Variants in PLA2G10 observed in about 807,000 individuals in gnomAD.
PLA2G10 encodes group 10 secretory phospholipase A2.
A neutral mutation model predicts 7.9 loss-of-function variants in PLA2G10; 9 were observed. That is an observed-to-expected ratio of 1.14 (90% confidence interval 0.68 to 1.98). PLA2G10 has a LOEUF of 1.98. PLA2G10 is among the 30% of genes most tolerant of loss of function. The pLI is 0.00. For missense variants in PLA2G10, 53 were observed against 65.4 expected (o/e 0.81, Z 0.66); for synonymous variants, 19 against 27.5 (o/e 0.69, Z 0.97).
intron 3 of PLA2G10, among the ~76,000 whole-genome samples, chr16:14,678,457 C>A (rs1028011348): frequency 6.6e-6 from 1 of 152,148 alleles, no homozygotes; most frequent in Non-Finnish European, 1.5e-5. Context: ...CATATGGCAA[C>A]CAGAGTAGTT....
intron 3 of PLA2G10, among the ~76,000 whole-genome samples, chr16:14,679,670 A>T (rs1031684580): frequency 2.0e-3 from 296 of 149,986 alleles, no homozygotes; most frequent in Middle Eastern, 7.0e-3. Flanking sequence ...CAAAAAAAAA[A>T]AAAAATAATA....
chr16:14,678,074 T>G (rs1960776341), intron 3 of PLA2G10, among the ~76,000 whole-genome samples: 1 of 152,166 alleles, frequency 6.6e-6, no homozygotes, highest in Admixed American at 6.6e-5. Flanking sequence ...TTCCATGGGC[T>G]GCTGCACAAC....
chr16:14,672,832 T>G lies in PLA2G10; in HGVS notation c.356-83A>C, dbSNP rs1224297287. 61 of 1,335,612 alleles carry G rather than the reference T, an allele frequency of 4.6e-5. 1 individual carries two copies. In the Admixed American group the frequency reaches 1.2e-3, roughly 26 times the overall value. 82.7% of individuals were successfully genotyped at this position (1,335,612 alleles called of 1,614,324 possible). A position where few individuals can be genotyped will look rare whatever the true frequency, so the allele number is the denominator to read the frequency against. On this transcript the variant is annotated intron_variant, in intron 3 of 3. Transcript: ENST00000438167. Reference sequence around the variant, plus strand: ...CCAGTAAAGCAAGAGGCAGGACGGGTCATAAATTACATTTCTGAGACACTT... The same window carrying G: ...CCAGTAAAGCAAGAGGCAGGACGGGGCATAAATTACATTTCTGAGACACTT...
chr16:14,686,264 C>A (rs2151854939), intron 3 of PLA2G10, among the ~76,000 whole-genome samples: 1 of 151,700 alleles, frequency 6.6e-6, no homozygotes, highest in South Asian at 2.1e-4. Flanking sequence ...AGGAGTGAGC[C>A]ACAGCGCCGA....
intron 3 of PLA2G10, among the ~76,000 whole-genome samples, chr16:14,673,004 CT>C (rs1454892264): frequency 6.8e-6 from 1 of 147,434 alleles, no homozygotes; most frequent in Non-Finnish European, 1.5e-5. Context: ...TACACGATTT[CT>C]TTTTTCTTTT....
At chr16:14,675,037 G>A (rs1187280490) in intron 3 of PLA2G10, among the ~76,000 whole-genome samples, 1 of 152,096 alleles carries the variant, frequency 6.6e-6, no homozygotes, top group African/African-American at 2.4e-5. Flanking sequence ...TGGGCGTAGT[G>A]GTACATGCCT....
At chr16:14,685,989 CTTTTTTT>C (rs147554543) in intron 3 of PLA2G10, among the ~76,000 whole-genome samples, 1 of 106,742 alleles carries the variant, frequency 9.4e-6, no homozygotes, top group Non-Finnish European at 1.9e-5. Flanking sequence ...TTTCTTTACT[CTTTTTTT>C]TTTTTTTTTT....
intron 3 of PLA2G10, among the ~76,000 whole-genome samples, chr16:14,684,337 CAAAAAAA>C (rs71373100): frequency 2.5e-5 from 1 of 39,782 alleles, no homozygotes; most frequent in African/African-American, 1.1e-4. Context: ...GACTCCATCT[CAAAAAAA>C]AAAAAAAAAA....
intron 3 of PLA2G10, among the ~76,000 whole-genome samples, chr16:14,685,863 C>T (rs982389571): frequency 1.3e-5 from 2 of 151,912 alleles, no homozygotes; most frequent in Non-Finnish European, 1.5e-5. Context: ...TTAGTAGAGA[C>T]GTGGTTTCAC....
chr16:14,683,399 A>AT (rs890582375), intron 3 of PLA2G10, among the ~76,000 whole-genome samples: 3 of 149,790 alleles, frequency 2.0e-5, no homozygotes, highest in East Asian at 2.0e-4. Flanking sequence ...CACCCGCCTA[A>AT]TTTTTTTTTG....
chr16:14,684,582 C>A (rs992267266), intron 3 of PLA2G10, among the ~76,000 whole-genome samples: 3 of 152,064 alleles, frequency 2.0e-5, no homozygotes, highest in African/African-American at 7.2e-5. Context: ...AGGAGAATCG[C>A]TAAAACCTGG....
At chr16:14,679,433 G>A (rs1960820939) in intron 3 of PLA2G10, among the ~76,000 whole-genome samples, 1 of 151,852 alleles carries the variant, frequency 6.6e-6, no homozygotes, top group Non-Finnish European at 1.5e-5. Context: ...AGGCCGAGGC[G>A]GGCAGTTCAC....
chr16:14,683,963 T>A (rs1366518045), intron 3 of PLA2G10, among the ~76,000 whole-genome samples: 2 of 152,160 alleles, frequency 1.3e-5, no homozygotes, highest in African/African-American at 4.8e-5. Context: ...TAACTGGGCA[T>A]GGTGATTCAT....
At chr16:14,686,660 C>A (rs538171894) in intron 3 of PLA2G10, among the ~76,000 whole-genome samples, 1 of 152,210 alleles carries the variant, frequency 6.6e-6, no homozygotes, top group South Asian at 2.1e-4. Flanking sequence ...ACCAACATAC[C>A]AGGGTAATTT....
rs183609740 is a variant in PLA2G10, at chr16:14,680,783, A to G, written c.355+7382T>C. Among the ~76,000 whole-genome samples the G allele has an allele frequency of 7.9e-5, 12 of 152,192 alleles. No homozygotes were observed. In the East Asian group the frequency reaches 2.3e-3, roughly 29 times the overall value. ...CTACTTCCCTGTCTCCTCCTTTTTA[A>G]CAATACCTCGTGGCTCTGCCTTGCC... On this transcript the variant is annotated intron_variant, in intron 3 of 3. Transcript: ENST00000438167.
rs1324812528 is a variant in PLA2G10, at chr16:14,684,229, T to C, written c.355+3936A>G. 2.8e-4 allele frequency among the ~76,000 whole-genome samples: 40 copies of C among 144,338 alleles called. 1 individual carries two copies. The Admixed American group carries it at 2.8e-3, about 10-fold the overall frequency. 94.7% of individuals were successfully genotyped at this position (144,338 alleles called of 152,430 possible). A position where few individuals can be genotyped will look rare whatever the true frequency, so the allele number is the denominator to read the frequency against. On this transcript the variant is annotated intron_variant, in intron 3 of 3. Coordinates refer to ENST00000438167, the MANE Select transcript of PLA2G10 (RefSeq NM_003561.3). ...TATAAAAATTAGCCGGGCGTGGTGG[T>C]GCATGCCTGAGACAGGAGAATAGCT...
At chr16:14,687,457 G>A (rs887453739) in intron 3 of PLA2G10, among the ~76,000 whole-genome samples, 2 of 151,096 alleles carry the variant, frequency 1.3e-5, no homozygotes, top group African/African-American at 4.9e-5. Flanking sequence ...AGCCTCCCAA[G>A]TAGCTGGGAT....
At chr16:14,675,763 A>AC (rs1335961772) in intron 3 of PLA2G10, among the ~76,000 whole-genome samples, 1 of 151,864 alleles carries the variant, frequency 6.6e-6, no homozygotes, top group Non-Finnish European at 1.5e-5. Flanking sequence ...ACATGGTGAA[A>AC]CCCCGTCTCT....
At chr16:14,684,647 C>T (rs1433683690) in intron 3 of PLA2G10, among the ~76,000 whole-genome samples, 1 of 152,122 alleles carries the variant, frequency 6.6e-6, no homozygotes, top group Non-Finnish European at 1.5e-5. Flanking sequence ...GCCTGGGCGA[C>T]AAAGTGAGAC....
Sources: allele counts gnomAD v4.1 joint callset (sites outside exome capture counted in the v4.1 genomes callset), GRCh38; gene constraint gnomAD v4.1.1; transcripts MANE v1.5; gene names NCBI Gene and HGNC (gene_info 2026-07-23, HGNC 2026-07-21).